The following CHUK variants were observed in gnomAD, a reference collection of about 807,000 sequenced individuals.
The protein encoded by CHUK is component of inhibitor of nuclear factor kappa B kinase complex.
In CHUK, 35 loss-of-function variants were observed where a neutral mutation model predicts 104.8. The observed-to-expected ratio is 0.33, with a 90% CI of 0.26 to 0.44. The LOEUF is 0.44. Among genes scored for constraint, CHUK ranks in the 20% least tolerant of loss-of-function variants. The probability of loss-of-function intolerance (pLI) is 1.00; values close to 1 mark genes in which losing one functional copy is unlikely to be tolerated. For missense variants in CHUK, 663 were observed against 902.7 expected (o/e 0.73, Z 3.40); for synonymous variants, 276 against 291.9 (o/e 0.95, Z 0.56).
intron 2 of CHUK, among the ~76,000 whole-genome samples, chr10:100,223,436 C>T (rs756676550): frequency 2.0e-5 from 3 of 151,820 alleles, no homozygotes; most frequent in Admixed American, 1.3e-4. Flanking sequence ...GCCAGGAGTT[C>T]GAGATCAGCA....
chr10:100,211,879 ATT>A (rs56796436), intron 9 of CHUK, among the ~76,000 whole-genome samples: 11,411 of 146,114 alleles, frequency 0.078, 558 homozygotes, highest in African/African-American at 0.15. Context: ...TTACAGTTCT[ATT>A]TTTTTTTTTT....
intron 1 of CHUK, among the ~76,000 whole-genome samples, chr10:100,227,984 A>G (rs145547769): frequency 2.7e-3 from 415 of 152,336 alleles, no homozygotes; most frequent in Non-Finnish European, 3.5e-3. Flanking sequence ...TTTTCCTAGA[A>G]CAACACTTTT....
In CHUK at chr10:100,222,111, C is replaced by A; in HGVS notation, c.385+1G>T. ...AATGGTATTTTAATACTGATACGTA[C>A]CTATATCACTTAGTAAAGAAAGTAT... On this transcript the variant is annotated splice_donor_variant, in intron 4 of 20. Coordinates refer to ENST00000370397, the MANE Select transcript of CHUK (RefSeq NM_001278.5). LOFTEE classifies it high-confidence loss of function. 6.8e-7 allele frequency: 1 copy of A among 1,470,574 alleles called. No individual in the cohort carries two copies. The highest frequency in any genetic ancestry group is 9.5e-7 in the Non-Finnish European group (1 of 1,050,412). 91.1% of individuals were successfully genotyped at this position (1,470,574 alleles called of 1,614,324 possible).
At chr10:100,218,578 G>T (rs946097386) in intron 8 of CHUK, 140 bp downstream of exon 8, 1 of 700,216 alleles carries the variant, frequency 1.4e-6, no homozygotes. Context: ...ACCTCATGTG[G>T]CCAACAGAAA....
chr10:100,222,116 A>G lies in CHUK; in HGVS notation c.381T>C (p.Asp127=), dbSNP rs983605531. 5.9e-6 allele frequency: 9 copies of G among 1,513,660 alleles called. No individual in the cohort carries two copies. The highest frequency in any genetic ancestry group is 8.3e-6 in the Non-Finnish European group (9 of 1,089,630). The allele number at this position is 1,513,660 out of a possible 1,614,324, so 93.8% of individuals were successfully genotyped here. Residue 127 remains aspartate, a synonymous_variant, in exon 4 of 21, where the codon GAT becomes GAC. Coordinates refer to ENST00000370397, the MANE Select transcript of CHUK (RefSeq NM_001278.5). Reference sequence around the variant, plus strand: ...TATTTTAATACTGATACGTACCTATATCACTTAGTAAAGAAAGTATCTGGC... The same window carrying G: ...TATTTTAATACTGATACGTACCTATGTCACTTAGTAAAGAAAGTATCTGGC... ...KESQILSLLS[D]IGSGIRYLHE...
chr10:100,219,535 GT>G (rs1845938450), intron 5 of CHUK, among the ~76,000 whole-genome samples, 176 bp from the exon 6 acceptor site: 1 of 152,150 alleles, frequency 6.6e-6, no homozygotes, highest in African/African-American at 2.4e-5. Context: ...GATCTACCAA[GT>G]TATTTAACCT....
At chr10:100,227,546 A>G (rs974102023) in intron 1 of CHUK, among the ~76,000 whole-genome samples, 1 of 144,950 alleles carries the variant, frequency 6.9e-6, no homozygotes, top group African/African-American at 2.6e-5. Context: ...CTTGGCTCCC[A>G]CTTTTTTTTT....
chr10:100,229,492 GGCCCGCCCGC>G lies in CHUK; in HGVS notation c.31_40del (p.Ala11ProfsTer28), dbSNP rs1564843970. On this transcript the variant is annotated frameshift_variant, in exon 1 of 21. Coordinates refer to ENST00000370397, the MANE Select transcript of CHUK (RefSeq NM_001278.5). LOFTEE classifies it high-confidence loss of function. ...GCCCAGCCGCTCCCGCATCTCCCAG[GGCCCGCCCGC>G]GCCCGGCCGCAGCCCCGGGGGCCGC... 1 of 1,585,902 alleles carries G rather than the reference GGCCCGCCCGC, an allele frequency of 6.3e-7. No homozygotes were observed. Among genetic ancestry groups the G allele is most frequent in the Non-Finnish European group, 8.5e-7 (1 of 1,170,256 alleles).
chr10:100,200,932 A>G, intron 14 of CHUK, 152 bp from the exon 15 acceptor site: 1 of 669,564 alleles, frequency 1.5e-6, no homozygotes, highest in South Asian at 1.6e-5. Flanking sequence ...AAGCCTTTCT[A>G]TTCTTCAGAT....
At chr10:100,200,501 C>T (rs569179354) in intron 15 of CHUK, among the ~76,000 whole-genome samples, 170 bp downstream of exon 15, 7 of 152,158 alleles carry the variant, frequency 4.6e-5, no homozygotes, top group East Asian at 1.9e-4. Context: ...GAATTATTTC[C>T]GAAGTTTCCT....
chr10:100,194,325 C>T, intron 17 of CHUK, 100 bp downstream of exon 17: 1 of 1,083,346 alleles, frequency 9.2e-7, no homozygotes. Flanking sequence ...CAGAATTCTT[C>T]CTGGGTAAGT....
chr10:100,203,688 G>A (rs1268512044), intron 13 of CHUK, among the ~76,000 whole-genome samples: 1 of 151,948 alleles, frequency 6.6e-6, no homozygotes, highest in Admixed American at 6.6e-5. Flanking sequence ...CACTTCCTTA[G>A]TACATCTGAA....
Position 100,221,486 on chromosome 10 carries a change from T to C in CHUK, c.385+626A>G, listed in dbSNP as rs144940658. Among the ~76,000 whole-genome samples, 5 of 152,170 alleles carry C rather than the reference T, an allele frequency of 3.3e-5. No homozygotes were observed. In the East Asian group the frequency reaches 9.7e-4, roughly 29 times the overall value. ...CTTGAGGACCCATCCCTCAAGGAGA[T>C]GTAATTCCACTGTAAACAAAATTAC... On this transcript the variant is annotated intron_variant, in intron 4 of 20. Coordinates refer to ENST00000370397, the MANE Select transcript of CHUK (RefSeq NM_001278.5).
chr10:100,210,571 T>G (rs1845707020), intron 9 of CHUK, among the ~76,000 whole-genome samples: 1 of 152,244 alleles, frequency 6.6e-6, no homozygotes, highest in Non-Finnish European at 1.5e-5. Context: ...AATAACTTGT[T>G]AGGGATCACA....
chr10:100,229,039 T>C (rs970233981), intron 1 of CHUK, among the ~76,000 whole-genome samples: 2 of 125,038 alleles, frequency 1.6e-5, no homozygotes, highest in Admixed American at 1.5e-4. Context: ...ACGCACACAT[T>C]CCCAAAGGCA....
chr10:100,228,116 T>A (rs1846146098), intron 1 of CHUK, among the ~76,000 whole-genome samples: 1 of 152,250 alleles, frequency 6.6e-6, no homozygotes, highest in East Asian at 1.9e-4. Flanking sequence ...CGTATTTAGC[T>A]TTACACACAT....
intron 11 of CHUK, among the ~76,000 whole-genome samples, chr10:100,205,537 A>C (rs1468916148): frequency 6.6e-6 from 1 of 152,100 alleles, no homozygotes; most frequent in Admixed American, 6.5e-5. Flanking sequence ...AATCCAAATT[A>C]TTTCTTTCAA....
chr10:100,210,308 C>T (rs912594181), intron 9 of CHUK, among the ~76,000 whole-genome samples: 2 of 151,536 alleles, frequency 1.3e-5, no homozygotes, highest in Non-Finnish European at 2.9e-5. Flanking sequence ...GGGATGGTCT[C>T]GATCTCCTGA....
chr10:100,226,152 G>C (rs1589600728), intron 1 of CHUK, 135 bp from the exon 2 acceptor site: 1 of 638,822 alleles, frequency 1.6e-6, no homozygotes, highest in East Asian at 2.9e-5. Flanking sequence ...GCTCTCTTGA[G>C]GCAATGCTTT....
Sources: gnomAD v4.1 joint callset for allele counts (sites outside exome capture counted in the v4.1 genomes callset) on GRCh38, gnomAD v4.1.1 for gene constraint, MANE v1.5 for transcripts, NCBI Gene and HGNC (gene_info 2026-07-23, HGNC 2026-07-21) for gene names.